INPP4A: variants seen among roughly 807,000 people sequenced by gnomAD.
INPP4A encodes the protein inositol polyphosphate-4-phosphatase type I A.
In INPP4A, 33 loss-of-function variants were observed where a neutral mutation model predicts 119.8. The ratio of observed to expected loss-of-function variants is 0.28; its 90% confidence interval spans 0.21 to 0.37. INPP4A has a LOEUF of 0.37. Ranked by LOEUF, INPP4A falls within the 10% of genes least tolerant of loss-of-function variation. The pLI is 1.00. For synonymous variants in INPP4A, 496 were observed against 500.7 expected (o/e 0.99, Z 0.12); for missense variants, 956 against 1,289.9 (o/e 0.74, Z 3.97).
chr2:98,579,012 A>T (rs541895811), intron 24 of INPP4A, among the ~76,000 whole-genome samples: 1 of 152,170 alleles, frequency 6.6e-6, no homozygotes, highest in South Asian at 2.1e-4. Flanking sequence ...CAGTCTTGTG[A>T]GCATTTTTTA....
At chr2:98,543,154 C>T (rs530698893) in intron 10 of INPP4A, among the ~76,000 whole-genome samples, 54 of 152,210 alleles carry the variant, frequency 3.5e-4, no homozygotes, top group African/African-American at 1.2e-3. Context: ...TCTAGCTCCT[C>T]TCTTACATAG....
intron 6 of INPP4A, 138 bp from the exon 7 acceptor site, chr2:98,535,991 A>C: frequency 1.4e-6 from 1 of 716,842 alleles, no homozygotes; most frequent in Non-Finnish European, 2.4e-6. Flanking sequence ...GCGAATTGTT[A>C]AGCTTTCCCA....
intron 10 of INPP4A, among the ~76,000 whole-genome samples, chr2:98,542,201 C>T (rs561710197): frequency 2.0e-5 from 3 of 152,258 alleles, no homozygotes; most frequent in Admixed American, 6.5e-5. Flanking sequence ...AAACTAGCAG[C>T]GGCCTGGCAG....
At chr2:98,448,683 T>G (rs992854050) in intron 1 of INPP4A, among the ~76,000 whole-genome samples, 1 of 151,572 alleles carries the variant, frequency 6.6e-6, no homozygotes, top group Admixed American at 6.6e-5. Flanking sequence ...GAAGCAGTTG[T>G]AGTCTTCTTT....
intron 1 of INPP4A, among the ~76,000 whole-genome samples, chr2:98,457,018 A>C (rs1696253431): frequency 2.6e-5 from 4 of 152,184 alleles, no homozygotes; most frequent in Non-Finnish European, 5.9e-5. Flanking sequence ...CAGCAGTGTC[A>C]CTGGAAACAA....
intron 1 of INPP4A, among the ~76,000 whole-genome samples, chr2:98,448,711 T>C (rs77052774): frequency 9.8e-4 from 140 of 143,314 alleles, no homozygotes; most frequent in African/African-American, 1.8e-3. Context: ...CTCTCTCTCT[T>C]TTTTTTTTTT....
intron 13 of INPP4A, among the ~76,000 whole-genome samples, chr2:98,547,757 T>C (rs376195487): frequency 2.6e-5 from 4 of 151,934 alleles, no homozygotes; most frequent in African/African-American, 9.7e-5. Context: ...CAAGAGCAGG[T>C]GTTCATCAGA....
chr2:98,477,238 G>T (rs563404568), intron 1 of INPP4A, among the ~76,000 whole-genome samples: 15 of 152,370 alleles, frequency 9.8e-5, no homozygotes, highest in African/African-American at 3.6e-4. Context: ...AGCCCGGATG[G>T]TCTGGCTCTG....
At chr2:98,473,259 T>G (rs1306871494) in intron 1 of INPP4A, among the ~76,000 whole-genome samples, 149 of 72,454 alleles carry the variant, frequency 2.1e-3, no homozygotes, top group Middle Eastern at 7.8e-3. Flanking sequence ...GGGTGCAGTG[T>G]AGAGTGTGGC....
At position 98,540,548 on chromosome 2, in the gene INPP4A, G is replaced by A. The variant is rs115937833; in HGVS notation, c.818+873G>A. Reference sequence around the variant, plus strand: ...CTGCTGTAACAGAATGCCAGAGAATGAGTAACTTCTAATGATCAGAAAAGT... The same window carrying A: ...CTGCTGTAACAGAATGCCAGAGAATAAGTAACTTCTAATGATCAGAAAAGT... On this transcript the variant is annotated intron_variant, in intron 10 of 24. Transcript: ENST00000409851. Among the ~76,000 whole-genome samples the A allele has an allele frequency of 4.5e-3, 678 of 152,344 alleles. 7 individuals are homozygous for A. Among genetic ancestry groups the A allele is most frequent in the African/African-American group, 0.015 (637 of 41,582 alleles).
At chr2:98,488,990 G>GA in intron 1 of INPP4A, among the ~76,000 whole-genome samples, 1 of 147,500 alleles carries the variant, frequency 6.8e-6, no homozygotes, top group Non-Finnish European at 1.5e-5. Context: ...TGTGTAAATG[G>GA]TGTAGTTTGT....
At chr2:98,459,535 G>A (rs995926966) in intron 1 of INPP4A, among the ~76,000 whole-genome samples, 2 of 152,198 alleles carry the variant, frequency 1.3e-5, no homozygotes, top group African/African-American at 4.8e-5. Flanking sequence ...AGTTGCTCAA[G>A]TGTTAGATTC....
chr2:98,548,967 T>C (rs756328002), intron 13 of INPP4A: 1 of 1,612,464 alleles, frequency 6.2e-7, no homozygotes, highest in Non-Finnish European at 8.5e-7. Flanking sequence ...TTGAGGAGTG[T>C]TGGTGAGTTT....
At chr2:98,494,920 A>C (rs568765172) in intron 1 of INPP4A, among the ~76,000 whole-genome samples, 36 of 152,352 alleles carry the variant, frequency 2.4e-4, no homozygotes, top group Admixed American at 1.4e-3. Flanking sequence ...CAAAGAGATT[A>C]GGGAAGATAC....
At chr2:98,453,990 C>G (rs1181732135) in intron 1 of INPP4A, among the ~76,000 whole-genome samples, 1 of 152,100 alleles carries the variant, frequency 6.6e-6, no homozygotes, top group East Asian at 1.9e-4. Context: ...ACCTGTAATC[C>G]CAGCTACTTG....
chr2:98,515,547 T>C (rs1685953418), intron 1 of INPP4A, among the ~76,000 whole-genome samples: 2 of 152,212 alleles, frequency 1.3e-5, no homozygotes, highest in Admixed American at 1.3e-4. Context: ...TTCATCTCCA[T>C]GTGACCTTGA....
In INPP4A at chr2:98,569,894, G is replaced by A. The variant is rs1190596343; in HGVS notation, c.2518+1226G>A. On this transcript the variant is annotated intron_variant, in intron 22 of 24. Coordinates refer to ENST00000409851, the MANE Select transcript of INPP4A (RefSeq NM_001134225.2). The surrounding 1 kb of genome is among the most constrained non-coding windows in gnomAD (Gnocchi z 5.1). ...GGGAGGCAAGCCGCTGATGGCCAGAGTGAGGCTGTGACACTTCAGATGAGA... is the reference window on the plus strand; with the variant it reads ...GGGAGGCAAGCCGCTGATGGCCAGAATGAGGCTGTGACACTTCAGATGAGA... 1 of 152,498 alleles carries A rather than the reference G, an allele frequency of 6.6e-6. No homozygotes were observed. Among genetic ancestry groups the A allele is most frequent in the Non-Finnish European group, 1.5e-5 (1 of 68,142 alleles). 9.4% of individuals were successfully genotyped at this position (152,498 alleles called of 1,614,324 possible). A position where few individuals can be genotyped will look rare whatever the true frequency, so the allele number is the denominator to read the frequency against.
chr2:98,540,943 G>A (rs574245709), intron 10 of INPP4A, among the ~76,000 whole-genome samples: 3 of 152,292 alleles, frequency 2.0e-5, no homozygotes, highest in South Asian at 2.1e-4. Context: ...TAACAGAAGC[G>A]TGAAAGAAAG....
intron 1 of INPP4A, among the ~76,000 whole-genome samples, chr2:98,487,394 A>G (rs1340179532): frequency 3.3e-5 from 5 of 151,966 alleles, no homozygotes; most frequent in Non-Finnish European, 4.4e-5. Context: ...TTTTTATTTT[A>G]TCTTATTTAT....
Sources: allele counts gnomAD v4.1 joint callset (sites outside exome capture counted in the v4.1 genomes callset), GRCh38; gene constraint gnomAD v4.1.1; non-coding constraint Gnocchi (gnomAD v3.1); transcripts MANE v1.5; gene names NCBI Gene and HGNC (gene_info 2026-07-23, HGNC 2026-07-21).